EBF1: variants seen among roughly 807,000 people sequenced by gnomAD.
EBF1 encodes the protein EBF transcription factor 1, also known as transcription factor COE1.
Under a neutral mutation model 68.4 loss-of-function variants are expected in EBF1, and 10 were observed. The observed-to-expected ratio is 0.15, with a 90% CI of 0.09 to 0.25. The LOEUF (loss-of-function observed/expected upper bound fraction) is 0.25. EBF1 is among the 10% of genes least tolerant of loss of function. The pLI, the probability that EBF1 is intolerant of heterozygous loss-of-function variation, is 1.00. For synonymous variants in EBF1, 298 were observed against 299.8 expected, an observed-to-expected ratio of 0.99 and a Z score of 0.06; for missense variants, 509 against 794.4, an observed-to-expected ratio of 0.64 and a Z score of 4.32.
intron 14 of EBF1, among the ~76,000 whole-genome samples, chr5:158,710,707 C>G (rs555758348): frequency 6.6e-6 from 1 of 152,216 alleles, no homozygotes. Flanking sequence ...AATAACTTCT[C>G]TTACAGGGCA....
chr5:158,822,852 C>T (rs1785160174), intron 8 of EBF1, among the ~76,000 whole-genome samples: 1 of 152,154 alleles, frequency 6.6e-6, no homozygotes, highest in Non-Finnish European at 1.5e-5. Flanking sequence ...TTGGATTGGC[C>T]TTTCCTTATT....
At chr5:158,724,613 C>G (rs148871620) in intron 11 of EBF1, among the ~76,000 whole-genome samples, 3 of 152,294 alleles carry the variant, frequency 2.0e-5, no homozygotes, top group Non-Finnish European at 4.4e-5. Flanking sequence ...TATGATAAAT[C>G]ACTAAACATG....
chr5:159,086,537 C>T (rs1010956565), intron 4 of EBF1, among the ~76,000 whole-genome samples: 3 of 152,068 alleles, frequency 2.0e-5, no homozygotes, highest in African/African-American at 7.2e-5. Context: ...TGTAGAACAT[C>T]TCTCAATTTG....
chr5:158,836,021 A>G (rs1788704306), intron 7 of EBF1, among the ~76,000 whole-genome samples: 1 of 152,212 alleles, frequency 6.6e-6, no homozygotes, highest in African/African-American at 2.4e-5. Context: ...AACATGGAAC[A>G]TGCTGAATAT....
chr5:158,919,801 C>T (rs1051543858), intron 6 of EBF1, among the ~76,000 whole-genome samples: 10 of 152,126 alleles, frequency 6.6e-5, no homozygotes, highest in African/African-American at 1.2e-4. Flanking sequence ...AAAAACACGA[C>T]GGTACATATT....
intron 6 of EBF1, among the ~76,000 whole-genome samples, chr5:158,851,490 G>A: frequency 1.3e-5 from 1 of 79,766 alleles, no homozygotes; most frequent in Admixed American, 1.3e-4. Context: ...GGAAGGGGAG[G>A]AAAGAAGAGG....
intron 6 of EBF1, among the ~76,000 whole-genome samples, chr5:158,929,701 C>A (rs1810430887): frequency 6.6e-6 from 1 of 151,026 alleles, no homozygotes; most frequent in Non-Finnish European, 1.5e-5. Context: ...TGCTTGTGTA[C>A]AGAGAAAAAA....
intron 6 of EBF1, among the ~76,000 whole-genome samples, chr5:159,008,783 C>T (rs1764076875): frequency 6.6e-6 from 1 of 152,148 alleles, no homozygotes; most frequent in African/African-American, 2.4e-5. Flanking sequence ...GTGATTCGCC[C>T]ACCTTGGCCT....
chr5:158,701,583 G>A (rs1174685819), intron 15 of EBF1, among the ~76,000 whole-genome samples: 1 of 152,242 alleles, frequency 6.6e-6, no homozygotes, highest in Non-Finnish European at 1.5e-5. Flanking sequence ...TCCCCTGGGT[G>A]CGTAAGTGAG....
chr5:158,720,705 T>C (rs1242949901), intron 11 of EBF1, among the ~76,000 whole-genome samples: 4 of 152,308 alleles, frequency 2.6e-5, no homozygotes, highest in Admixed American at 2.6e-4. Context: ...TCACTTACAT[T>C]TAGCATGGAT....
chr5:158,940,404 G>A (rs1812983470), intron 6 of EBF1, among the ~76,000 whole-genome samples: 1 of 152,168 alleles, frequency 6.6e-6, no homozygotes, highest in Admixed American at 6.5e-5. Flanking sequence ...TGGTATCCTA[G>A]GCCACTTAAA....
intron 6 of EBF1, among the ~76,000 whole-genome samples, chr5:158,916,406 A>T (rs1807197148): frequency 6.6e-6 from 1 of 152,124 alleles, no homozygotes; most frequent in South Asian, 2.1e-4. Flanking sequence ...TACTTATCTC[A>T]TTGGATTTGA....
At chr5:158,817,156 G>A (rs553640776) in intron 8 of EBF1, among the ~76,000 whole-genome samples, 25 of 152,120 alleles carry the variant, frequency 1.6e-4, no homozygotes, top group Non-Finnish European at 2.6e-4. Context: ...CCTTGCCTGG[G>A]CGCAACAGGA....
intron 7 of EBF1, among the ~76,000 whole-genome samples, chr5:158,832,554 A>C (rs1270209938): frequency 1.3e-5 from 2 of 152,246 alleles, no homozygotes; most frequent in Non-Finnish European, 2.9e-5. Context: ...TAATTGCAAG[A>C]TGTGCTATTT....
rs34744460 is a variant in EBF1 at position 158,924,852 on chromosome 5, C to CAAAA, written c.555-84746_555-84743dup. 4.5e-3 allele frequency among the ~76,000 whole-genome samples: 227 copies of CAAAA among 50,848 alleles called. 8 individuals are homozygous for CAAAA. The highest frequency in any genetic ancestry group is 0.014 in the African/African-American group (181 of 12,950). The allele number at this position is 50,848 out of a possible 152,430, so 33.4% of individuals were successfully genotyped here. A position where few individuals can be genotyped will look rare whatever the true frequency, so the allele number is the denominator to read the frequency against. On this transcript the variant is annotated intron_variant, in intron 6 of 15. Coordinates refer to ENST00000313708, the MANE Select transcript of EBF1 (RefSeq NM_024007.5). Reference sequence around the variant, plus strand: ...TGGGCAACAGAGCGAGACTCTGTCTCAAAAAAAAAAAAAAAAAAAAAAAAG... The same window carrying CAAAA: ...TGGGCAACAGAGCGAGACTCTGTCTCAAAAAAAAAAAAAAAAAAAAAAAAAAAAG...
At chr5:158,785,679 G>C (rs1204095385) in intron 9 of EBF1, among the ~76,000 whole-genome samples, 1 of 152,154 alleles carries the variant, frequency 6.6e-6, no homozygotes, top group Non-Finnish European at 1.5e-5. Flanking sequence ...AATATGCTGA[G>C]TCACATGAAT....
At chr5:158,880,964 C>G (rs140177901) in intron 6 of EBF1, among the ~76,000 whole-genome samples, 97 of 152,194 alleles carry the variant, frequency 6.4e-4, no homozygotes, top group Middle Eastern at 3.4e-3. Flanking sequence ...GCATGAACCT[C>G]ACTTCTGCTG....
chr5:159,047,155 C>T lies in EBF1; in HGVS notation c.554+26241G>A, dbSNP rs140966711. Among the ~76,000 whole-genome samples, 513 of 152,276 alleles carry T rather than the reference C, an allele frequency of 3.4e-3. 3 individuals are homozygous for T. Among genetic ancestry groups the T allele is most frequent in the African/African-American group, 0.012 (491 of 41,562 alleles). ...TAGAGCATCCTATGCTGGGAACTGA[C>T]CCAGCTGGGGAGTGAAGGTGTCTCT... On this transcript the variant is annotated intron_variant, in intron 6 of 15. Coordinates refer to ENST00000313708, the MANE Select transcript of EBF1 (RefSeq NM_024007.5).
intron 2 of EBF1, 130 bp from the exon 3 acceptor site, chr5:159,096,536 A>C (rs1782640102): frequency 9.9e-7 from 1 of 1,006,940 alleles, no homozygotes. Flanking sequence ...CCACGGTAGC[A>C]GCAGAAATTG....
Sources: allele counts gnomAD v4.1 joint callset (sites outside exome capture counted in the v4.1 genomes callset), GRCh38; gene constraint gnomAD v4.1.1; transcripts MANE v1.5; gene names NCBI Gene and HGNC (gene_info 2026-07-23, HGNC 2026-07-21).